The following SDR42E1 variants were observed in gnomAD, a reference collection of about 807,000 sequenced individuals.
The protein encoded by SDR42E1 is short-chain dehydrogenase/reductase family 42E member 1.
In SDR42E1, 5 loss-of-function variants were observed where a neutral mutation model predicts 2.6. That is an observed-to-expected ratio of 1.94 (90% CI 1.01 to 4.08). The LOEUF is 4.08. Ranked by LOEUF, SDR42E1 falls within the 30% of genes most tolerant of loss-of-function variation. The pLI is 0.00. For synonymous variants in SDR42E1, 231 were observed against 188.3 expected, an observed-to-expected ratio of 1.23 and a Z score of -1.86; for missense variants, 596 against 478.6, an observed-to-expected ratio of 1.25 and a Z score of -2.29.
Position 81,989,165 on chromosome 16 carries a change from T to G in SDR42E1, c.*9946A>C, listed in dbSNP as rs1912371742. On this transcript the variant is annotated 3_prime_UTR_variant, in exon 3 of 3. Transcript: ENST00000328945. ...GAAACCAGAACTGTCTTAGGCCAAC[T>G]AGGACATATGCTTATCATCTTTATA... 1 of 152,176 alleles carries G rather than the reference T, an allele frequency of 6.6e-6. No homozygotes were observed. Among genetic ancestry groups the G allele is most frequent in the Non-Finnish European group, 1.5e-5 (1 of 68,032 alleles). The allele number at this position is 152,176 out of a possible 1,614,324, so 9.4% of individuals were successfully genotyped here. A position where few individuals can be genotyped will look rare whatever the true frequency, so the allele number is the denominator to read the frequency against.
intron 1 of SDR42E1, among the ~76,000 whole-genome samples, chr16:82,010,454 A>T (rs1430991533): frequency 1.3e-5 from 2 of 152,184 alleles, no homozygotes; most frequent in African/African-American, 4.8e-5. Flanking sequence ...AAGGAAAATA[A>T]ATCTTGGGGT....
rs1143453 is a variant in SDR42E1, at chr16:81,999,381, G to A, written c.912C>T (p.Leu304=). 4.3e-6 allele frequency: 7 copies of A among 1,614,054 alleles called. No individual in the cohort carries two copies. In the African/African-American group the frequency reaches 8.0e-5, roughly 18 times the overall value. ...TEMVHFILGR[L]YNFQPFLTRT... ...GAGTGAGGAAGGGCTGGAAGTTGTA[G>A]AGTCGACCCAAAATGAAGTGAACCA... The change falls in exon 3 of 3, where the codon CTC becomes CTT. Residue 304 remains leucine, a synonymous_variant. Coordinates refer to ENST00000328945, the MANE Select transcript of SDR42E1 (RefSeq NM_145168.3).
rs1378697543 is a variant in SDR42E1 at position 81,991,707 on chromosome 16, C to T, written c.*7404G>A. ...GCCTGGGTGACAGACGAGACTCTAT[C>T]AAAAAAAAAAAAAAAAAAATTTGGT... On this transcript the variant is annotated 3_prime_UTR_variant, in exon 3 of 3. Coordinates refer to ENST00000328945, the MANE Select transcript of SDR42E1 (RefSeq NM_145168.3). 3 of 109,912 alleles carry T rather than the reference C, an allele frequency of 2.7e-5. No individual in the cohort carries two copies. The Admixed American group carries it at 3.0e-4, about 11-fold the overall frequency. 6.8% of individuals were successfully genotyped at this position (109,912 alleles called of 1,614,324 possible).
intron 1 of SDR42E1, among the ~76,000 whole-genome samples, chr16:82,005,295 T>C (rs1176075683): frequency 6.6e-6 from 1 of 152,212 alleles, no homozygotes; most frequent in African/African-American, 2.4e-5. Context: ...AGTTTCAGAA[T>C]GATCTGAGGC....
At chr16:82,007,904 ATTAT>A (rs1435410501) in intron 1 of SDR42E1, 1 of 147,062 alleles carries the variant, frequency 6.8e-6, no homozygotes, top group East Asian at 1.9e-4. Flanking sequence ...GGCTACACTT[ATTAT>A]TTATTATGGG....
At chr16:82,002,112 C>A (rs75153709) in intron 1 of SDR42E1, among the ~76,000 whole-genome samples, 2,925 of 152,190 alleles carry the variant, frequency 0.019, 43 homozygotes, top group Non-Finnish European at 0.03. Flanking sequence ...GCAGCCACTG[C>A]ACCACAAAAG....
In SDR42E1 at chr16:81,991,794, G is replaced by C. The variant is rs541542120; in HGVS notation, c.*7317C>G. 1 of 151,832 alleles carries C rather than the reference G, an allele frequency of 6.6e-6. No individual in the cohort carries two copies. Among genetic ancestry groups the C allele is most frequent in the Non-Finnish European group, 1.5e-5 (1 of 67,974 alleles). The allele number at this position is 151,832 out of a possible 1,614,324, so 9.4% of individuals were successfully genotyped here. On this transcript the variant is annotated 3_prime_UTR_variant, in exon 3 of 3. Transcript: ENST00000328945. ...TGCCACTTCCTAGCTGGTGACGCTGGGTACCCTTGGGCAAGGTACTGCATC... is the reference window on the plus strand; with the variant it reads ...TGCCACTTCCTAGCTGGTGACGCTGCGTACCCTTGGGCAAGGTACTGCATC...
At chr16:82,009,416 G>T (rs190453266) in intron 1 of SDR42E1, among the ~76,000 whole-genome samples, 1 of 152,346 alleles carries the variant, frequency 6.6e-6, no homozygotes, top group East Asian at 1.9e-4. Context: ...CACAAGGGTG[G>T]AGCTGCCCAA....
intron 1 of SDR42E1, among the ~76,000 whole-genome samples, chr16:82,004,646 G>A (rs772349636): frequency 2.9e-4 from 44 of 152,182 alleles, no homozygotes; most frequent in Non-Finnish European, 6.0e-4. Flanking sequence ...GACTACAGGC[G>A]TGTGCCATGA....
intron 1 of SDR42E1, among the ~76,000 whole-genome samples, chr16:82,008,377 C>G (rs1002367410): frequency 2.6e-5 from 4 of 152,192 alleles, no homozygotes; most frequent in African/African-American, 9.7e-5. Context: ...AAGCCTGCAA[C>G]AGTTTGGAGG....
rs1004293623 is a variant in SDR42E1, at chr16:81,996,806, G to C, written c.*2305C>G. ...ATGGAAGCAGGAATGTGGTAGCCAG[G>C]TTCCACGTTGGCCTCCAATGACACC... On this transcript the variant is annotated 3_prime_UTR_variant, in exon 3 of 3. Coordinates refer to ENST00000328945, the MANE Select transcript of SDR42E1 (RefSeq NM_145168.3). The C allele has an allele frequency of 6.6e-6, 1 of 152,184 alleles. No individual in the cohort carries two copies. Among genetic ancestry groups the C allele is most frequent in the African/African-American group, 2.4e-5 (1 of 41,438 alleles). 9.4% of individuals were successfully genotyped at this position (152,184 alleles called of 1,614,324 possible).
intron 1 of SDR42E1, among the ~76,000 whole-genome samples, chr16:82,010,344 T>G (rs986213481): frequency 6.6e-6 from 1 of 152,226 alleles, no homozygotes; most frequent in African/African-American, 2.4e-5. Context: ...GGTTCAGGAC[T>G]TGAAGCCGGG....
rs946289192 is a variant in SDR42E1 at position 81,992,645 on chromosome 16, C to G, written c.*6466G>C. On this transcript the variant is annotated 3_prime_UTR_variant, in exon 3 of 3. Coordinates refer to ENST00000328945, the MANE Select transcript of SDR42E1 (RefSeq NM_145168.3). ...TTAGTAATGAAGAATTTTTTAATTACTTGCATGCTTTAACCAGCTGTTAAA... is the reference window on the plus strand; with the variant it reads ...TTAGTAATGAAGAATTTTTTAATTAGTTGCATGCTTTAACCAGCTGTTAAA... 3 of 152,246 alleles carry G rather than the reference C, an allele frequency of 2.0e-5. No homozygotes were observed. Among genetic ancestry groups the G allele is most frequent in the African/African-American group, 7.2e-5 (3 of 41,550 alleles). The allele number at this position is 152,246 out of a possible 1,614,324, so 9.4% of individuals were successfully genotyped here.
rs1385689463 is a variant in SDR42E1 at position 81,999,189 on chromosome 16, A to C, written c.1104T>G (p.Val368=). ...GGAGGAAGACCAATAGCCCATCCCA[A>C]ACAAAACACTCCGAGTCACGACTTC... ...SSGSRDSECF[V]WDGLLVFLLI... is the part of the protein sequence containing the mutation. The change falls in exon 3 of 3, where the codon GTT becomes GTG. Residue 368 remains valine, a synonymous_variant. Coordinates refer to ENST00000328945, the MANE Select transcript of SDR42E1 (RefSeq NM_145168.3). The C allele has an allele frequency of 1.2e-6, 2 of 1,614,082 alleles. No individual in the cohort carries two copies. Among genetic ancestry groups the C allele is most frequent in the Non-Finnish European group, 1.7e-6 (2 of 1,180,064 alleles).
intron 1 of SDR42E1, among the ~76,000 whole-genome samples, chr16:82,003,013 G>C (rs891216860): frequency 1.3e-5 from 2 of 152,176 alleles, no homozygotes; most frequent in Non-Finnish European, 2.9e-5. Flanking sequence ...CTGAATACCT[G>C]TGTGAGTGTA....
rs375862551 is a variant in SDR42E1 at position 82,001,961 on chromosome 16, T to TACACACACACAC, written c.-26-1089_-26-1078dup. 3.6e-3 allele frequency among the ~76,000 whole-genome samples: 498 copies of TACACACACACAC among 137,280 alleles called. 8 individuals are homozygous for TACACACACACAC. Among genetic ancestry groups the TACACACACACAC allele is most frequent in the African/African-American group, 0.013 (476 of 36,512 alleles). The allele number at this position is 137,280 out of a possible 152,430, so 90.1% of individuals were successfully genotyped here. A position where few individuals can be genotyped will look rare whatever the true frequency, so the allele number is the denominator to read the frequency against. ...GGTCCTCAAAGGCACTGGGTGCGTATACACACACACACACACACACACACA... is the reference window on the plus strand; with the variant it reads ...GGTCCTCAAAGGCACTGGGTGCGTATACACACACACACACACACACACACACACACACACACA... On this transcript the variant is annotated intron_variant, in intron 1 of 2. Coordinates refer to ENST00000328945, the MANE Select transcript of SDR42E1 (RefSeq NM_145168.3).
intron 1 of SDR42E1, among the ~76,000 whole-genome samples, chr16:82,008,341 G>T (rs1913016511): frequency 6.6e-6 from 1 of 152,264 alleles, no homozygotes; most frequent in Non-Finnish European, 1.5e-5. Flanking sequence ...AAATGTGGAA[G>T]TGACTTTGGA....
In SDR42E1 at chr16:81,999,646, G is replaced by A; in HGVS notation, c.647C>T (p.Pro216Leu). ...KGLFKFVYGDPRSLVEFVHVD... is the reference protein window; with the variant it reads ...KGLFKFVYGDLRSLVEFVHVD... Reference sequence around the variant, plus strand: ...GTGGACAAACTCAACCAGGCTCCTGGGGTCCCCGTAGACAAACTTGAACAG... The same window carrying A: ...GTGGACAAACTCAACCAGGCTCCTGAGGTCCCCGTAGACAAACTTGAACAG... The change falls in exon 3 of 3, where the codon CCC becomes CTC. Residue 216 changes from proline to leucine, a missense_variant. Coordinates refer to ENST00000328945, the MANE Select transcript of SDR42E1 (RefSeq NM_145168.3). 1.2e-6 allele frequency: 2 copies of A among 1,614,144 alleles called. No individual in the cohort carries two copies. Among genetic ancestry groups the A allele is most frequent in the Non-Finnish European group, 1.7e-6 (2 of 1,180,016 alleles).
rs375434378 is a variant in SDR42E1 at position 81,999,988 on chromosome 16, C to T, written c.305G>A (p.Gly102Asp). Reference protein sequence around the residue: ...RNLIKEVNVRGTDNILQVCQR... With the variant: ...RNLIKEVNVRDTDNILQVCQR... ...GCAAACCTGGAGGATGTTGTCTGTG[C>T]CCCTGACGTTGACTTCTTTGATCAG... Residue 102 changes from glycine to aspartate, a missense_variant, in exon 3 of 3, where the codon GGC becomes GAC. Gly to Asp is a moderately conservative substitution (Grantham distance 94). Transcript: ENST00000328945. The T allele has an allele frequency of 1.6e-5, 26 of 1,614,072 alleles. No individual in the cohort carries two copies. Among genetic ancestry groups the T allele is most frequent in the Non-Finnish European group, 2.1e-5 (25 of 1,180,038 alleles).
Sources: allele counts gnomAD v4.1 joint callset (sites outside exome capture counted in the v4.1 genomes callset), GRCh38; gene constraint gnomAD v4.1.1; transcripts MANE v1.5; gene names NCBI Gene and HGNC (gene_info 2026-07-23, HGNC 2026-07-21).